DYNC2H1: variants seen among roughly 807,000 people sequenced by gnomAD.
DYNC2H1 encodes cytoplasmic dynein 2 heavy chain 1.
Under a neutral mutation model 570.0 loss-of-function variants are expected in DYNC2H1, and 410 were observed. The ratio of observed to expected loss-of-function variants is 0.72; its 90% CI spans 0.66 to 0.78. The LOEUF is 0.78. Ranked by LOEUF, DYNC2H1 falls within the 30% of genes least tolerant of loss-of-function variation. The pLI is 0.00. For synonymous variants in DYNC2H1, 1,688 were observed against 1,677.6 expected (o/e 1.01, Z -0.15); for missense variants, 4,865 against 5,046.4 (o/e 0.96, Z 1.09).
intron 70 of DYNC2H1, among the ~76,000 whole-genome samples, chr11:103,278,787 G>A (rs1054851563): frequency 1.7e-4 from 26 of 152,078 alleles, no homozygotes; most frequent in Admixed American, 1.6e-3. Flanking sequence ...GGCTGGTCTC[G>A]AACTCCTGAC....
chr11:103,225,777 C>T (rs1287010057), intron 59 of DYNC2H1, among the ~76,000 whole-genome samples: 1 of 151,982 alleles, frequency 6.6e-6, no homozygotes, highest in African/African-American at 2.4e-5. Flanking sequence ...GTTTTTTCTA[C>T]TTCTGTGAAG....
chr11:103,277,286 A>T lies in DYNC2H1; in HGVS notation c.10696-3062A>T, dbSNP rs182953077. ...TATGGCTTTTTGTATTCAATTTTTT[A>T]AAAATTTAGCTCCAATTTTATTTTA... On this transcript the variant is annotated intron_variant, in intron 70 of 88. Transcript: ENST00000375735. This position sits in a 1 kb window ranked among gnomAD's most constrained non-coding sequence, Gnocchi z 4.3. Among the ~76,000 whole-genome samples, 395 of 152,132 alleles carry T rather than the reference A, an allele frequency of 2.6e-3. 3 individuals carry two copies. The highest frequency in any genetic ancestry group is 3.4e-3 in the Middle Eastern group (1 of 294).
intron 79 of DYNC2H1, among the ~76,000 whole-genome samples, chr11:103,314,863 TACTG>T (rs1453702906): frequency 2.0e-5 from 3 of 152,004 alleles, no homozygotes; most frequent in Non-Finnish European, 4.4e-5. Flanking sequence ...ATTTTAAAAA[TACTG>T]ATCTTCAAGG....
At chr11:103,121,843 C>T (rs1380185419) in intron 10 of DYNC2H1, among the ~76,000 whole-genome samples, 1 of 152,068 alleles carries the variant, frequency 6.6e-6, no homozygotes, top group African/African-American at 2.4e-5. Context: ...CCCAGCTACT[C>T]AGGAGGCTGA....
intron 47 of DYNC2H1, among the ~76,000 whole-genome samples, chr11:103,194,993 C>T (rs141524360): frequency 0.05 from 7,568 of 152,286 alleles, 254 homozygotes; most frequent in Non-Finnish European, 0.071. Context: ...GCTGGGATTA[C>T]AGGCATGAGC....
At chr11:103,312,760 T>A (rs182985892) in intron 79 of DYNC2H1, among the ~76,000 whole-genome samples, 1 of 152,088 alleles carries the variant, frequency 6.6e-6, no homozygotes, top group East Asian at 1.9e-4. Context: ...CCTCAATGAG[T>A]GTTAGGTATC....
Position 103,399,706 on chromosome 11 carries a change from G to A in DYNC2H1, c.12200G>A (p.Arg4067Gln), listed in dbSNP as rs369763489. 10 of 1,613,332 alleles carry A rather than the reference G, an allele frequency of 6.2e-6. No individual in the cohort carries two copies. The highest frequency in any genetic ancestry group is 5.0e-5 in the Admixed American group (3 of 59,944). The change falls in exon 84 of 89, where the codon CGA becomes CAA. Residue 4067 changes from arginine (R) to glutamine (Q), a missense_variant. Physicochemically the swap from Arg to Gln is conservative, Grantham distance 43. Transcript: ENST00000375735. Reference protein sequence around the residue: ...IHQKVPPPNDRQGSPILSFII... With the variant: ...IHQKVPPPNDQQGSPILSFII... The stretch of plus-strand genomic sequence containing the variant: ...CAGAAAGTGCCTCCTCCTAACGATC[G>A]ACAAGGATCTCCAATACTGTCATTC...
Position 103,205,250 on chromosome 11 carries a change from T to TA in DYNC2H1, c.8454+292dup, listed in dbSNP as rs888805325. ...CCTATTACAGGCTGTCCTAGATTTT[T>TA]AAAAAATCATAGCAAGTATTTAACA... On this transcript the variant is annotated intron_variant, in intron 52 of 88. Coordinates refer to ENST00000375735, the MANE Select transcript of DYNC2H1 (RefSeq NM_001377.3). The surrounding 1 kb of genome is among the most constrained non-coding windows in gnomAD (Gnocchi z 4.5). Among the ~76,000 whole-genome samples the TA allele has an allele frequency of 2.0e-5, 3 of 152,120 alleles. No homozygotes were observed. Among genetic ancestry groups the TA allele is most frequent in the African/African-American group, 7.2e-5 (3 of 41,432 alleles).
At chr11:103,267,004 C>T (rs1237602100) in intron 70 of DYNC2H1, among the ~76,000 whole-genome samples, 2 of 152,180 alleles carry the variant, frequency 1.3e-5, no homozygotes, top group South Asian at 2.1e-4. Context: ...CGGTACCAAA[C>T]CCCCTGGGCT....
rs781035183 is a variant in DYNC2H1, at chr11:103,177,765, A to G, written c.6084A>G (p.Glu2028=). The G allele has an allele frequency of 3.3e-5, 53 of 1,613,074 alleles. 1 individual carries two copies. Among genetic ancestry groups the G allele is most frequent in the Non-Finnish European group, 4.0e-5 (47 of 1,179,556 alleles). Residue 2028 remains glutamate (E), a synonymous_variant, in exon 38 of 89, where the codon GAA becomes GAG. Transcript: ENST00000375735. This position sits in a 1 kb window ranked among gnomAD's most constrained non-coding sequence, Gnocchi z 4.4. ...GCCATATTGACATGGACACAAGAGA[A>G]TGGTCTGATGGTGTTTTGACAAATA... ...LLGHIDMDTR[E]WSDGVLTNSA...
intron 82 of DYNC2H1, among the ~76,000 whole-genome samples, chr11:103,339,352 A>C (rs1169223944): frequency 6.6e-6 from 1 of 152,162 alleles, no homozygotes; most frequent in East Asian, 1.9e-4. Flanking sequence ...GCTGCTGCTG[A>C]TGTTTATTCA....
intron 24 of DYNC2H1, 90 bp downstream of exon 24, chr11:103,154,899 T>TA: frequency 1.1e-6 from 1 of 931,184 alleles, no homozygotes; most frequent in Non-Finnish European, 1.5e-6. Context: ...TTACTTTATA[T>TA]GTTTTTCAAT....
intron 87 of DYNC2H1, among the ~76,000 whole-genome samples, chr11:103,463,043 A>G (rs1945073067): frequency 6.6e-6 from 1 of 152,218 alleles, no homozygotes; most frequent in Non-Finnish European, 1.5e-5. Flanking sequence ...TTTGCAGTTA[A>G]ATGGACCTAA....
chr11:103,451,324 C>G (rs1371101406), intron 85 of DYNC2H1, among the ~76,000 whole-genome samples: 4 of 71,034 alleles, frequency 5.6e-5, no homozygotes, highest in Non-Finnish European at 9.8e-5. Flanking sequence ...AGTAAAAGGG[C>G]TTTTTTTTTT....
intron 84 of DYNC2H1, chr11:103,402,043 A>G (rs1224163635): frequency 1.6e-4 from 25 of 152,132 alleles, no homozygotes; most frequent in Admixed American, 1.6e-3. Flanking sequence ...GGAGGTTTCA[A>G]AATATTCTGA....
intron 69 of DYNC2H1, among the ~76,000 whole-genome samples, chr11:103,259,265 C>A (rs983724478): frequency 2.0e-5 from 3 of 152,148 alleles, no homozygotes; most frequent in Non-Finnish European, 2.9e-5. Context: ...GACAGGTTGA[C>A]AACCTACCCT....
intron 47 of DYNC2H1, among the ~76,000 whole-genome samples, chr11:103,197,203 G>T (rs1037235256): frequency 6.6e-6 from 1 of 151,928 alleles, no homozygotes; most frequent in African/African-American, 2.4e-5. Flanking sequence ...AGAGTTTTGA[G>T]ATTGTTTTAT....
chr11:103,375,260 T>C (rs905581898), intron 83 of DYNC2H1, among the ~76,000 whole-genome samples: 4 of 152,184 alleles, frequency 2.6e-5, no homozygotes, highest in Admixed American at 6.5e-5. Flanking sequence ...TGGTAATAGA[T>C]GGATGTCCAA....
rs372445684 is a variant in DYNC2H1, at chr11:103,200,120, A to G, written c.8163A>G (p.Thr2721=). Residue 2721 remains threonine, a synonymous_variant, in exon 50 of 89, where the codon ACA becomes ACG. Transcript: ENST00000375735. ...LLEDYQFVHP[T]FLEMINSLLS... is the part of the protein sequence containing the mutation. ...AGGATTACCAGTTTGTACATCCTAC[A>G]TTTTTGGAGATGATCAATAGCCTTT... The G allele has an allele frequency of 4.4e-6, 7 of 1,582,984 alleles. No individual in the cohort carries two copies. The highest frequency in any genetic ancestry group is 6.0e-6 in the Non-Finnish European group (7 of 1,163,504).
Sources: allele counts gnomAD v4.1 joint callset (sites outside exome capture counted in the v4.1 genomes callset), GRCh38; gene constraint gnomAD v4.1.1; non-coding constraint Gnocchi (gnomAD v3.1); transcripts MANE v1.5; gene names NCBI Gene and HGNC (gene_info 2026-07-23, HGNC 2026-07-21).